The following AFG2A variants were observed in gnomAD, a reference collection of about 807,000 sequenced individuals.
AFG2A encodes the protein ATPase family gene 2 protein homolog A.
chr4:123,273,975 T>TA, the AFG2A span, among the ~76,000 whole-genome samples: 2 of 152,186 alleles, frequency 1.3e-5, no homozygotes, highest in Non-Finnish European at 2.9e-5. Context: ...AGGACCTGTC[T>TA]ATGTTAGAGG....
At chr4:123,197,441 T>C in the AFG2A span, among the ~76,000 whole-genome samples, 1 of 152,196 alleles carries the variant, frequency 6.6e-6, no homozygotes, top group African/African-American at 2.4e-5. Flanking sequence ...TCACTGACCA[T>C]GCTCTCTAGT....
chr4:122,987,577 GTATC>G, the AFG2A span, among the ~76,000 whole-genome samples: 1 of 149,394 alleles, frequency 6.7e-6, no homozygotes, highest in Non-Finnish European at 1.5e-5. Context: ...TATCCTTTGT[GTATC>G]TATTACATGA....
the AFG2A span, among the ~76,000 whole-genome samples, chr4:123,261,240 A>G: frequency 6.6e-6 from 1 of 152,122 alleles, no homozygotes; most frequent in Non-Finnish European, 1.5e-5. Flanking sequence ...CAAGTAGTCT[A>G]CTATATTTGA....
the AFG2A span, among the ~76,000 whole-genome samples, chr4:123,142,268 G>A: frequency 6.6e-6 from 1 of 152,068 alleles, no homozygotes; most frequent in South Asian, 2.1e-4. Flanking sequence ...ATGTATGCAT[G>A]CATGTAAGTA....
the AFG2A span, among the ~76,000 whole-genome samples, chr4:123,236,008 T>A: frequency 6.6e-6 from 1 of 152,186 alleles, no homozygotes; most frequent in Non-Finnish European, 1.5e-5. Flanking sequence ...TCTTTCTCTC[T>A]AAGAAGTTCT....
the AFG2A span, among the ~76,000 whole-genome samples, chr4:123,052,230 A>C: frequency 6.6e-6 from 1 of 151,834 alleles, no homozygotes; most frequent in African/African-American, 2.4e-5. Context: ...CCTGCTGTTG[A>C]TATTCTCTAT....
At chr4:123,195,478 A>G in the AFG2A span, among the ~76,000 whole-genome samples, 3 of 152,190 alleles carry the variant, frequency 2.0e-5, no homozygotes, top group African/African-American at 7.2e-5. Context: ...TCAGCAGTAG[A>G]TATTTCAGAA....
chr4:123,014,809 A>G, the AFG2A span, among the ~76,000 whole-genome samples: 2 of 152,110 alleles, frequency 1.3e-5, no homozygotes, highest in Non-Finnish European at 2.9e-5. Context: ...CCTCTTAGCT[A>G]TTATATGTTT....
the AFG2A span, among the ~76,000 whole-genome samples, chr4:123,243,664 G>A: frequency 2.0e-5 from 3 of 151,924 alleles, no homozygotes; most frequent in East Asian, 5.8e-4. Context: ...AGTTAATGGG[G>A]GAAGCAAACC....
the AFG2A span, among the ~76,000 whole-genome samples, chr4:123,101,463 G>A: frequency 6.6e-6 from 1 of 151,830 alleles, no homozygotes; most frequent in Non-Finnish European, 1.5e-5. Flanking sequence ...ATAAGGTGAA[G>A]AGTTCAACAC....
chr4:123,204,364 C>A, the AFG2A span, among the ~76,000 whole-genome samples: 2 of 152,166 alleles, frequency 1.3e-5, no homozygotes, highest in African/African-American at 4.8e-5. Flanking sequence ...AATGAGAAAT[C>A]TAGTTTCTCT....
the AFG2A span, among the ~76,000 whole-genome samples, chr4:123,313,307 T>C: frequency 1.3e-5 from 2 of 152,168 alleles, no homozygotes; most frequent in African/African-American, 2.4e-5. Context: ...CTCTCCAAAG[T>C]AAATGTTGAC....
the AFG2A span, among the ~76,000 whole-genome samples, chr4:122,992,978 G>GTGTA: frequency 1.3e-3 from 182 of 134,942 alleles, 2 homozygotes; most frequent in African/African-American, 4.0e-3. Context: ...GTGTGTGTAT[G>GTGTA]TGTGTGTGTG....
At chr4:123,214,037 T>C in the AFG2A span, among the ~76,000 whole-genome samples, 2 of 152,162 alleles carry the variant, frequency 1.3e-5, no homozygotes, top group African/African-American at 4.8e-5. Context: ...AAATTATTTA[T>C]AGAAGCTATG....
At chr4:123,146,785 C>T in the AFG2A span, among the ~76,000 whole-genome samples, 2 of 78,686 alleles carry the variant, frequency 2.5e-5, no homozygotes, top group Non-Finnish European at 7.5e-5. Context: ...GATGCCAAAC[C>T]TCTCATTTTT....
chr4:122,992,625 A>G, the AFG2A span, among the ~76,000 whole-genome samples: 1 of 152,260 alleles, frequency 6.6e-6, no homozygotes, highest in South Asian at 2.1e-4. Flanking sequence ...AAAAGATTTT[A>G]GTGCATAAAG....
chr4:123,203,570 G>A, the AFG2A span, among the ~76,000 whole-genome samples: 2,587 of 152,242 alleles, frequency 0.017, 82 homozygotes, highest in African/African-American at 0.059. Flanking sequence ...GAGCCACTGC[G>A]CCCAGCCAGT....
the AFG2A span, among the ~76,000 whole-genome samples, chr4:123,249,837 T>C: frequency 6.6e-6 from 1 of 152,132 alleles, no homozygotes; most frequent in Admixed American, 6.6e-5. Context: ...GTTAGCCAGG[T>C]CTATGCATTA....
At chr4:123,130,808 G>T in the AFG2A span, among the ~76,000 whole-genome samples, 2 of 152,108 alleles carry the variant, frequency 1.3e-5, no homozygotes, top group Non-Finnish European at 2.9e-5. Context: ...GTAATTAACT[G>T]TATGCTTAAT....
Sources: gnomAD v4.1 joint callset for allele counts (sites outside exome capture counted in the v4.1 genomes callset) on GRCh38, gnomAD v4.1.1 for gene constraint, MANE v1.5 for transcripts, NCBI Gene and HGNC (gene_info 2026-07-23, HGNC 2026-07-21) for gene names.